GABRR3: variants seen among roughly 807,000 people sequenced by gnomAD.
GABRR3 encodes gamma-aminobutyric acid type A receptor subunit rho3.
In GABRR3, 29 loss-of-function variants were observed where a neutral mutation model predicts 43.2. The ratio of observed to expected loss-of-function variants is 0.67; its 90% confidence interval spans 0.50 to 0.92. GABRR3 has a LOEUF of 0.92. Among genes scored for constraint, GABRR3 ranks in the 40% least tolerant of loss-of-function variants. The pLI is 0.00. For synonymous variants in GABRR3, 206 were observed against 195.9 expected (o/e 1.05, Z -0.43); for missense variants, 576 against 572.3 (o/e 1.01, Z -0.07).
chr3:98,006,438 T>C (rs916799127), intron 7 of GABRR3, among the ~76,000 whole-genome samples: 7 of 152,240 alleles, frequency 4.6e-5, no homozygotes, highest in Non-Finnish European at 8.8e-5. Flanking sequence ...TGGGTCTAAA[T>C]AGATAAATAG....
intron 8 of GABRR3, chr3:97,998,898 C>T (rs1553718104): frequency 1.3e-5 from 2 of 152,064 alleles, no homozygotes; most frequent in Non-Finnish European, 1.5e-5. Context: ...TACATATTTT[C>T]AAATTCTATT....
At chr3:97,990,907 T>C (rs1242350028) in intron 9 of GABRR3, among the ~76,000 whole-genome samples, 1 of 151,854 alleles carries the variant, frequency 6.6e-6, no homozygotes, top group Non-Finnish European at 1.5e-5. Flanking sequence ...AACTGCACAC[T>C]TAAAAACAAT....
intron 9 of GABRR3, among the ~76,000 whole-genome samples, 183 bp from the exon 10 acceptor site, chr3:97,987,165 T>C (rs1242720181): frequency 6.6e-6 from 1 of 152,202 alleles, no homozygotes; most frequent in East Asian, 1.9e-4. Flanking sequence ...TATATATGTA[T>C]TTTTTGGTCC....
At chr3:98,031,791 C>T (rs893134994) in intron 2 of GABRR3, among the ~76,000 whole-genome samples, 1 of 152,060 alleles carries the variant, frequency 6.6e-6, no homozygotes, top group African/African-American at 2.4e-5. Flanking sequence ...CAAGAGAAGG[C>T]TGAACCTGAC....
chr3:97,992,994 A>G (rs376311939), exon 9 of GABRR3: 1 of 1,613,046 alleles, frequency 6.2e-7, no homozygotes, highest in Non-Finnish European at 8.5e-7. Context: ...CACCTGGGGC[A>G]TGGAGGCGCT....
intron 4 of GABRR3, 111 bp downstream of exon 4, chr3:98,017,544 A>T: frequency 1.3e-6 from 1 of 753,260 alleles, no homozygotes; most frequent in East Asian, 2.7e-5. Flanking sequence ...TCAAAGTAGG[A>T]GACATAAATA....
chr3:97,993,509 A>G (rs1277798599), intron 8 of GABRR3, among the ~76,000 whole-genome samples: 1 of 152,118 alleles, frequency 6.6e-6, no homozygotes, highest in Non-Finnish European at 1.5e-5. Flanking sequence ...TTTCTTCTTG[A>G]AAGATCTTTA....
chr3:98,016,752 T>A (rs1027507366), intron 4 of GABRR3, among the ~76,000 whole-genome samples: 2 of 152,232 alleles, frequency 1.3e-5, no homozygotes, highest in African/African-American at 4.8e-5. Flanking sequence ...GGTGCTTGTA[T>A]GTATAAGCTA....
At chr3:97,991,469 C>G (rs1206222288) in intron 9 of GABRR3, among the ~76,000 whole-genome samples, 2 of 152,338 alleles carry the variant, frequency 1.3e-5, no homozygotes. Context: ...ATAGCACTCA[C>G]TGTGGGCATG....
downstream of GABRR3, among the ~76,000 whole-genome samples, chr3:97,986,213 T>C (rs1321274307): frequency 2.6e-5 from 4 of 152,326 alleles, no homozygotes; most frequent in East Asian, 5.8e-4. Context: ...AGAAGGAGAT[T>C]GGAGATCCTT....
downstream of GABRR3, among the ~76,000 whole-genome samples, chr3:97,985,732 G>A (rs1187483086): frequency 2.6e-5 from 4 of 152,082 alleles, no homozygotes; most frequent in Non-Finnish European, 4.4e-5. Flanking sequence ...TCTACAAAAT[G>A]CGAGATGTTA....
intron 3 of GABRR3, among the ~76,000 whole-genome samples, chr3:98,019,622 G>C (rs530435991): frequency 6.6e-6 from 1 of 151,634 alleles, no homozygotes; most frequent in Non-Finnish European, 1.5e-5. Flanking sequence ...GTTTCACTCC[G>C]TCGCCCAGGC....
At chr3:98,012,495 T>C in exon 5 of GABRR3, 8 of 1,613,994 alleles carry the variant, frequency 5.0e-6, no homozygotes, top group Non-Finnish European at 6.8e-6. Flanking sequence ...GTCATGCTTT[T>C]GTTTGCTGTG....
At chr3:98,034,456 T>C (rs1707126927) in intron 2 of GABRR3, among the ~76,000 whole-genome samples, 1 of 152,154 alleles carries the variant, frequency 6.6e-6, no homozygotes, top group Non-Finnish European at 1.5e-5. Flanking sequence ...CATGAAACTA[T>C]ATACCCTAGA....
intron 9 of GABRR3, among the ~76,000 whole-genome samples, chr3:97,990,785 G>A (rs1322086734): frequency 6.6e-6 from 1 of 152,106 alleles, no homozygotes; most frequent in Non-Finnish European, 1.5e-5. Context: ...AGGGCCTGGG[G>A]GGAGGGGAAT....
chr3:98,008,010 A>G lies in GABRR3; in HGVS notation c.614-106T>C, dbSNP rs564902264. 28 of 858,632 alleles carry G rather than the reference A, an allele frequency of 3.3e-5. No individual in the cohort carries two copies. In the South Asian group the frequency reaches 3.4e-4, roughly 11 times the overall value. 53.2% of individuals were successfully genotyped at this position (858,632 alleles called of 1,614,324 possible). A position where few individuals can be genotyped will look rare whatever the true frequency, so the allele number is the denominator to read the frequency against. On this transcript the variant is annotated intron_variant, in intron 6 of 9. Transcript: ENST00000621172. ...CTCTGTATCCTTAGTGCCTACTCCA[A>G]TGACATGTACATATTAGGTGATAAA...
intron 7 of GABRR3, among the ~76,000 whole-genome samples, chr3:98,006,044 G>T (rs1366782964): frequency 1.3e-5 from 2 of 151,690 alleles, no homozygotes; most frequent in Non-Finnish European, 2.9e-5. Context: ...TTAGGATTAA[G>T]TAAGAACATT....
At chr3:98,017,382 A>G (rs897903788) in intron 4 of GABRR3, among the ~76,000 whole-genome samples, 2 of 152,196 alleles carry the variant, frequency 1.3e-5, no homozygotes, top group Non-Finnish European at 2.9e-5. Flanking sequence ...AGTTCTTGCT[A>G]CATTGGTAAA....
At chr3:98,019,145 A>G (rs114061177) in intron 3 of GABRR3, among the ~76,000 whole-genome samples, 1,951 of 152,112 alleles carry the variant, frequency 0.013, 43 homozygotes, top group African/African-American at 0.045. Context: ...AAAAGAAAAG[A>G]AAGGAAAACA....
Sources: gnomAD v4.1 joint callset for allele counts (sites outside exome capture counted in the v4.1 genomes callset) on GRCh38, gnomAD v4.1.1 for gene constraint, MANE v1.5 for transcripts, NCBI Gene and HGNC (gene_info 2026-07-23, HGNC 2026-07-21) for gene names.